The following TUSC3 variants were observed in gnomAD, a reference collection of about 807,000 sequenced individuals.
TUSC3 encodes tumor suppressor candidate 3.
TUSC3 carries 45 observed loss-of-function variants against 44.8 expected under a neutral mutation model. That is an observed-to-expected ratio of 1.00 (90% CI 0.79 to 1.29). The LOEUF (loss-of-function observed/expected upper bound fraction) is 1.29. Ranked by LOEUF, TUSC3 falls within the 50% of genes most tolerant of loss-of-function variation. The pLI is 0.00. For missense variants in TUSC3, 519 were observed against 437.9 expected (o/e 1.19, Z -1.65); for synonymous variants, 212 against 152.9 (o/e 1.39, Z -2.85).
intron 1 of TUSC3, among the ~76,000 whole-genome samples, chr8:15,420,585 C>G (rs1383039264): frequency 2.9e-5 from 4 of 137,710 alleles, no homozygotes; most frequent in Non-Finnish European, 6.1e-5. Flanking sequence ...CCATTTTTGT[C>G]TGCCTCCAGT....
chr8:15,508,247 T>C (rs28567892), intron 2 of TUSC3, among the ~76,000 whole-genome samples: 11,766 of 151,872 alleles, frequency 0.077, 633 homozygotes, highest in East Asian at 0.18. Flanking sequence ...CTAACAACAA[T>C]GACAACAAAA....
intron 1 of TUSC3, among the ~76,000 whole-genome samples, chr8:15,544,789 C>T (rs183684750): frequency 3.2e-4 from 48 of 151,760 alleles, no homozygotes; most frequent in South Asian, 4.2e-4. Flanking sequence ...TTGATATGTA[C>T]GCATATATGC....
At chr8:15,833,372 G>A in the TUSC3 span, among the ~76,000 whole-genome samples, 1 of 152,098 alleles carries the variant, frequency 6.6e-6, no homozygotes, top group Non-Finnish European at 1.5e-5. Context: ...ATACCAAAAG[G>A]AATATAAATC....
chr8:15,795,862 TCCTTTATATTCA>T, the TUSC3 span, among the ~76,000 whole-genome samples: 1 of 152,174 alleles, frequency 6.6e-6, no homozygotes, highest in Non-Finnish European at 1.5e-5. Flanking sequence ...GTCCAATCTG[TCCTTTATATTCA>T]TGGAGAGCAT....
intron 1 of TUSC3, among the ~76,000 whole-genome samples, chr8:15,573,168 T>TCTTTCTCTCTC (rs1563296867): frequency 4.6e-4 from 39 of 85,546 alleles, no homozygotes; most frequent in African/African-American, 1.7e-3. Context: ...TTCTCTCTCT[T>TCTTTCTCTCTC]TCTCTCTCTC....
At position 15,656,784 on chromosome 8, in the gene TUSC3, A is replaced by T. The variant is rs187323254; in HGVS notation, c.427-2723A>T. The stretch of plus-strand genomic sequence containing the variant: ...GGCTCTGCCTCTGCAACAAGTCTTT[A>T]TCAGGACTCTTGGGCTCTCCACAAA... On this transcript the variant is annotated intron_variant, in intron 3 of 10. Coordinates refer to ENST00000503731, the MANE Select transcript of TUSC3 (RefSeq NM_006765.4). 2.2e-4 allele frequency among the ~76,000 whole-genome samples: 34 copies of T among 152,322 alleles called. 1 individual carries two copies. Among genetic ancestry groups the T allele is most frequent in the African/African-American group, 6.0e-4 (25 of 41,580 alleles).
Position 15,605,245 on chromosome 8 carries a change from C to T in TUSC3, c.139-17835C>T, listed in dbSNP as rs572335958. 2.0e-5 allele frequency among the ~76,000 whole-genome samples: 3 copies of T among 151,948 alleles called. No individual in the cohort carries two copies. The South Asian group carries it at 6.2e-4, about 31-fold the overall frequency. On this transcript the variant is annotated intron_variant, in intron 1 of 10. Transcript: ENST00000503731. ...CAGAGTAACTCATGCCGCTACCTGG[C>T]TTTGTTTCATATCTTTTCCTAGAGG...
chr8:15,613,736 A>G (rs932689810), intron 1 of TUSC3, among the ~76,000 whole-genome samples: 4 of 152,210 alleles, frequency 2.6e-5, no homozygotes, highest in Admixed American at 1.3e-4. Context: ...CAGGTTTTGT[A>G]AGAGTTGTAT....
intron 2 of TUSC3, among the ~76,000 whole-genome samples, chr8:15,641,165 C>T (rs951627001): frequency 4.6e-5 from 7 of 151,664 alleles, no homozygotes; most frequent in South Asian, 2.1e-4. Context: ...TCGAGACCAT[C>T]CTGGCCAACA....
chr8:15,495,347 A>G (rs1800867642), intron 2 of TUSC3, among the ~76,000 whole-genome samples: 1 of 152,174 alleles, frequency 6.6e-6, no homozygotes, highest in Admixed American at 6.5e-5. Flanking sequence ...AAAGAACCCA[A>G]TGTTGGTGTT....
At chr8:15,457,986 C>CA (rs1447804568) in intron 1 of TUSC3, among the ~76,000 whole-genome samples, 1 of 151,652 alleles carries the variant, frequency 6.6e-6, no homozygotes, top group East Asian at 1.9e-4. Flanking sequence ...CAGATAAACA[C>CA]ATGCAACATA....
At chr8:15,750,777 C>T (rs1811663856) in intron 9 of TUSC3, among the ~76,000 whole-genome samples, 1 of 152,172 alleles carries the variant, frequency 6.6e-6, no homozygotes, top group Non-Finnish European at 1.5e-5. Flanking sequence ...CCCCACACTC[C>T]TGTCAGCTCC....
chr8:15,426,061 A>G (rs530402378), intron 1 of TUSC3, among the ~76,000 whole-genome samples: 1 of 152,272 alleles, frequency 6.6e-6, no homozygotes, highest in East Asian at 1.9e-4. Context: ...AAATAGTAAA[A>G]TATATTCCTT....
At chr8:15,568,871 A>G (rs1802767705) in intron 1 of TUSC3, among the ~76,000 whole-genome samples, 1 of 152,030 alleles carries the variant, frequency 6.6e-6, no homozygotes, top group African/African-American at 2.4e-5. Flanking sequence ...AGATTACATT[A>G]TCATTTATTT....
At chr8:15,828,026 C>G in the TUSC3 span, among the ~76,000 whole-genome samples, 7 of 143,816 alleles carry the variant, frequency 4.9e-5, no homozygotes, top group South Asian at 1.5e-3. Flanking sequence ...CGGAGTTTCA[C>G]ACTTGTTGCC....
chr8:15,655,963 T>A (rs1322231570), intron 3 of TUSC3, among the ~76,000 whole-genome samples: 1 of 152,086 alleles, frequency 6.6e-6, no homozygotes, highest in Non-Finnish European at 1.5e-5. Context: ...ATGAAAAGAT[T>A]ACCTAGGAAT....
intron 1 of TUSC3, among the ~76,000 whole-genome samples, chr8:15,442,271 A>C (rs945943163): frequency 1.3e-5 from 2 of 152,256 alleles, no homozygotes; most frequent in African/African-American, 4.8e-5. Context: ...ATTTTAAGTT[A>C]CATTATTTCT....
At chr8:15,573,970 G>A (rs537442408) in intron 1 of TUSC3, among the ~76,000 whole-genome samples, 21 of 152,204 alleles carry the variant, frequency 1.4e-4, no homozygotes, top group African/African-American at 4.8e-4. Context: ...GACTAAACCA[G>A]TCCTTTTCTT....
At chr8:15,745,162 C>A (rs1180263186) in intron 8 of TUSC3, among the ~76,000 whole-genome samples, 1 of 151,948 alleles carries the variant, frequency 6.6e-6, no homozygotes, top group Non-Finnish European at 1.5e-5. Flanking sequence ...TGCATACATA[C>A]CACATTTTCT....
Sources: gnomAD v4.1 joint callset for allele counts (sites outside exome capture counted in the v4.1 genomes callset) on GRCh38, gnomAD v4.1.1 for gene constraint, MANE v1.5 for transcripts, NCBI Gene and HGNC (gene_info 2026-07-23, HGNC 2026-07-21) for gene names.